Variants in ARL8B observed in about 807,000 individuals in gnomAD.
ARL8B encodes the protein ARF like GTPase 8B.
Under a neutral mutation model 30.6 loss-of-function variants are expected in ARL8B, and 9 were observed. That is an observed-to-expected ratio of 0.29 (90% CI 0.18 to 0.51). The LOEUF is 0.51. Among genes scored for constraint, ARL8B ranks in the 20% least tolerant of loss-of-function variants. The pLI is 0.97. For synonymous variants in ARL8B, 74 were observed against 76.0 expected, an observed-to-expected ratio of 0.97 and a Z score of 0.14; for missense variants, 130 against 227.2, an observed-to-expected ratio of 0.57 and a Z score of 2.75.
chr3:5,165,243 C>T (rs1286851454), intron 1 of ARL8B, among the ~76,000 whole-genome samples: 1 of 151,250 alleles, frequency 6.6e-6, no homozygotes, highest in Middle Eastern at 3.4e-3. Flanking sequence ...CTTTTAAGTA[C>T]TTTGCTAGCA....
At chr3:5,135,241 G>A (rs560118258) in intron 1 of ARL8B, among the ~76,000 whole-genome samples, 8 of 152,056 alleles carry the variant, frequency 5.3e-5, no homozygotes, top group South Asian at 2.1e-4. Flanking sequence ...TACAAAGAAC[G>A]TTCAGTAAAA....
chr3:5,123,573 A>C (rs903733784), intron 1 of ARL8B, among the ~76,000 whole-genome samples: 1 of 152,166 alleles, frequency 6.6e-6, no homozygotes, highest in Admixed American at 6.6e-5. Context: ...TGTACACGCC[A>C]GGGGAGTTTT....
chr3:5,143,546 C>T (rs541297725), intron 1 of ARL8B, among the ~76,000 whole-genome samples: 33 of 152,342 alleles, frequency 2.2e-4, no homozygotes, highest in African/African-American at 7.9e-4. Context: ...GGTCTTGTTC[C>T]TTCCCTTCCG....
At chr3:5,174,781 A>AAT (rs201576639) in intron 6 of ARL8B, among the ~76,000 whole-genome samples, 2,210 of 145,916 alleles carry the variant, frequency 0.015, 48 homozygotes, top group African/African-American at 0.047. Flanking sequence ...ATATAACATA[A>AAT]ATATATATAT....
In ARL8B at chr3:5,158,828, T is replaced by TAAAGTCC. The variant is rs1205215676; in HGVS notation, c.124-11675_124-11674insAAAGTCC. On this transcript the variant is annotated intron_variant, in intron 1 of 6. Transcript: ENST00000256496. ...TCATTTTATTAGTCCCTTGATTCTG[T>TAAAGTCC]CTTACTTTAATAGGTCTTGATAAAG... Among the ~76,000 whole-genome samples, 441 of 152,350 alleles carry TAAAGTCC rather than the reference T, an allele frequency of 2.9e-3. 3 individuals are homozygous for TAAAGTCC. The highest frequency in any genetic ancestry group is 0.01 in the African/African-American group (434 of 41,576).
intron 1 of ARL8B, among the ~76,000 whole-genome samples, chr3:5,151,250 G>A (rs947973734): frequency 6.6e-6 from 1 of 151,992 alleles, no homozygotes; most frequent in African/African-American, 2.4e-5. Flanking sequence ...GGGGGGCTTA[G>A]ATTGTTAATT....
At position 5,175,747 on chromosome 3, in the gene ARL8B, G is replaced by C. The variant is rs534675007; in HGVS notation, c.511+1333G>C. On this transcript the variant is annotated intron_variant, in intron 6 of 6. Coordinates refer to ENST00000256496, the MANE Select transcript of ARL8B (RefSeq NM_018184.3). ...TCCTTGCCTCTCTCTAGCTTGTGGT[G>C]GTTGCCAGCAATCCTTGGCATTCCT... Among the ~76,000 whole-genome samples the C allele has an allele frequency of 4.6e-5, 7 of 152,266 alleles. No homozygotes were observed. In the South Asian group the frequency reaches 8.3e-4, roughly 18 times the overall value.
intron 6 of ARL8B, among the ~76,000 whole-genome samples, chr3:5,176,007 TC>T (rs2054726946): frequency 6.6e-6 from 1 of 152,196 alleles, no homozygotes; most frequent in Non-Finnish European, 1.5e-5. Flanking sequence ...CATTAAACAT[TC>T]TAGCATAGTA....
rs368877036 is a variant in ARL8B, at chr3:5,148,786, C to T, written c.124-21717C>T. Among the ~76,000 whole-genome samples, 8 of 152,244 alleles carry T rather than the reference C, an allele frequency of 5.3e-5. No individual in the cohort carries two copies. In the East Asian group the frequency reaches 1.2e-3, roughly 22 times the overall value. ...AGGGTCTTTGGGCCAGATAAAACAG[C>T]GATGCCTTATCTTTTGCTTTTCCTT... On this transcript the variant is annotated intron_variant, in intron 1 of 6. Transcript: ENST00000256496.
At chr3:5,150,023 T>C (rs2054465835) in intron 1 of ARL8B, among the ~76,000 whole-genome samples, 1 of 152,230 alleles carries the variant, frequency 6.6e-6, no homozygotes, top group African/African-American at 2.4e-5. Flanking sequence ...ATTGTACTTG[T>C]TTTAGGACAG....
intron 1 of ARL8B, among the ~76,000 whole-genome samples, chr3:5,147,776 T>G (rs1352851557): frequency 2.6e-5 from 4 of 151,974 alleles, no homozygotes; most frequent in Non-Finnish European, 5.9e-5. Context: ...CAGCTCTATG[T>G]TACAAAGTTA....
At chr3:5,131,395 T>A (rs57497397) in intron 1 of ARL8B, among the ~76,000 whole-genome samples, 3,084 of 64,054 alleles carry the variant, frequency 0.048, 68 homozygotes, top group African/African-American at 0.19. Context: ...AATTAAAAAA[T>A]TTTTTTTTTT....
intron 1 of ARL8B, among the ~76,000 whole-genome samples, chr3:5,131,611 G>A (rs968227204): frequency 6.6e-6 from 1 of 151,712 alleles, no homozygotes; most frequent in Non-Finnish European, 1.5e-5. Context: ...CACTGGTCTT[G>A]AACTCCTGAC....
chr3:5,169,809 T>TA lies in ARL8B; in HGVS notation c.124-693dup, dbSNP rs543666520. 5.3e-3 allele frequency among the ~76,000 whole-genome samples: 809 copies of TA among 152,348 alleles called. 11 individuals carry two copies. Among genetic ancestry groups the TA allele is most frequent in the African/African-American group, 0.018 (758 of 41,578 alleles). ...GTCTTATATAAGTGAAAGTAGTGAC[T>TA]ATGGCTGTGTTAACATTTTTTCTGA... On this transcript the variant is annotated intron_variant, in intron 1 of 6. Transcript: ENST00000256496.
At chr3:5,142,097 G>A (rs1171186257) in intron 1 of ARL8B, among the ~76,000 whole-genome samples, 1 of 152,146 alleles carries the variant, frequency 6.6e-6, no homozygotes, top group East Asian at 1.9e-4. Flanking sequence ...ATGCCAGGGT[G>A]AAGGGAATGG....
chr3:5,158,695 C>CT (rs2054552878), intron 1 of ARL8B, among the ~76,000 whole-genome samples: 1 of 152,130 alleles, frequency 6.6e-6, no homozygotes, highest in African/African-American at 2.4e-5. Context: ...AACAGGGTCT[C>CT]TTAGAGTAAT....
In ARL8B at chr3:5,170,666, T is replaced by C; in HGVS notation, c.204+83T>C. 4.6e-6 allele frequency: 5 copies of C among 1,079,670 alleles called. No individual in the cohort carries two copies. The Admixed American group carries it at 1.3e-4, about 28-fold the overall frequency. The allele number at this position is 1,079,670 out of a possible 1,614,324, so 66.9% of individuals were successfully genotyped here. The stretch of plus-strand genomic sequence containing the variant: ...TTCTGTTAAATTTCTGTGTTTTTAC[T>C]GAAAATTTGCAGTTTTTCAGTAATG... On this transcript the variant is annotated intron_variant, in intron 2 of 6. Coordinates refer to ENST00000256496, the MANE Select transcript of ARL8B (RefSeq NM_018184.3).
intron 1 of ARL8B, among the ~76,000 whole-genome samples, chr3:5,132,142 G>C (rs1006538116): frequency 6.6e-6 from 1 of 152,140 alleles, no homozygotes; most frequent in African/African-American, 2.4e-5. Context: ...TCCTTCCTTG[G>C]CCTCCCAGTG....
rs570051382 is a variant in ARL8B at position 5,122,368 on chromosome 3, G to T, written c.-98G>T. The T allele has an allele frequency of 1.1e-4, 181 of 1,575,642 alleles. 3 individuals carry two copies. The Admixed American group carries it at 1.2e-3, about 10-fold the overall frequency. ...GCCCGTGTCGCGCCGGGGCACCAAG[G>T]AGCCGTTGGAGGGTCCGGGCGGAGG... On this transcript the variant is annotated 5_prime_UTR_variant, in exon 1 of 7. Coordinates refer to ENST00000256496, the MANE Select transcript of ARL8B (RefSeq NM_018184.3).
Sources: allele counts gnomAD v4.1 joint callset (sites outside exome capture counted in the v4.1 genomes callset), GRCh38; gene constraint gnomAD v4.1.1; transcripts MANE v1.5; gene names NCBI Gene and HGNC (gene_info 2026-07-23, HGNC 2026-07-21).